Variants in ZNF599 observed in about 807,000 individuals in gnomAD.
ZNF599 encodes the protein zinc finger protein 599.
In ZNF599, 10 loss-of-function variants were observed where a neutral mutation model predicts 11.7. That is an observed-to-expected ratio of 0.86 (90% confidence interval 0.53 to 1.45). The LOEUF is 1.45. Ranked by LOEUF, ZNF599 falls within the 40% of genes most tolerant of loss-of-function variation. The pLI is 0.00. For missense variants in ZNF599, 688 were observed against 713.6 expected (o/e 0.96, Z 0.41); for synonymous variants, 232 against 253.2 (o/e 0.92, Z 0.79).
At chr19:34,795,462 T>C in the ZNF599 span, among the ~76,000 whole-genome samples, 1 of 152,264 alleles carries the variant, frequency 6.6e-6, no homozygotes, top group African/African-American at 2.4e-5. Context: ...TTATTTTTCA[T>C]AGAGACACAG....
chr19:34,784,169 A>G, the ZNF599 span, among the ~76,000 whole-genome samples: 4 of 152,154 alleles, frequency 2.6e-5, no homozygotes, highest in Non-Finnish European at 5.9e-5. Context: ...TGCTTCTTCC[A>G]GCTTCTGGTG....
chr19:34,767,724 AG>A (rs2069154262), intron 2 of ZNF599, among the ~76,000 whole-genome samples: 2 of 152,172 alleles, frequency 1.3e-5, no homozygotes, highest in African/African-American at 4.8e-5. Context: ...TGAAAAACAC[AG>A]GACTAAATCG....
Position 34,759,602 on chromosome 19 carries a change from C to T in ZNF599, c.1199G>A (p.Cys400Tyr). 1 of 1,614,096 alleles carries T rather than the reference C, an allele frequency of 6.2e-7. No homozygotes were observed. Among genetic ancestry groups the T allele is most frequent in the Admixed American group, 1.7e-5 (1 of 60,006 alleles). ...GGAGCGATGAGTAAAGGCCTTTCCACATTCACCGCACTCATAGGGTTTCTC... is the reference window on the plus strand; with the variant it reads ...GGAGCGATGAGTAAAGGCCTTTCCATATTCACCGCACTCATAGGGTTTCTC... ...TGEKPYECGECGKAFTHRSTF... is the reference protein window; with the variant it reads ...TGEKPYECGEYGKAFTHRSTF... Residue 400 changes from cysteine (C) to tyrosine (Y), a missense_variant, in exon 4 of 4, where the codon TGT becomes TAT. Coordinates refer to ENST00000329285, the MANE Select transcript of ZNF599 (RefSeq NM_001007248.3).
the ZNF599 span, among the ~76,000 whole-genome samples, chr19:34,779,243 CTTTTTTTTTTT>C: frequency 1.2e-4 from 7 of 57,318 alleles, no homozygotes; most frequent in Admixed American, 5.1e-4. Context: ...CCATGCCCAG[CTTTTTTTTTTT>C]TTTTTTTTTT....
chr19:34,803,985 A>G, the ZNF599 span, among the ~76,000 whole-genome samples: 3 of 152,170 alleles, frequency 2.0e-5, no homozygotes, highest in Admixed American at 2.0e-4. Context: ...GGCATCAAGA[A>G]CATGCCTGAC....
At chr19:34,780,160 T>G in the ZNF599 span, 2 of 152,396 alleles carry the variant, frequency 1.3e-5, no homozygotes, top group Non-Finnish European at 2.9e-5. Flanking sequence ...GTATGATGAT[T>G]TCTGCCCTGG....
chr19:34,798,575 CCCTCATGTGAAA>C, the ZNF599 span, among the ~76,000 whole-genome samples: 1 of 152,266 alleles, frequency 6.6e-6, no homozygotes, highest in Middle Eastern at 3.4e-3. Context: ...TTCATCTGTA[CCCTCATGTGAAA>C]ACTTTATCAA....
chr19:34,805,250 T>A, the ZNF599 span, among the ~76,000 whole-genome samples: 10 of 143,608 alleles, frequency 7.0e-5, no homozygotes, highest in African/African-American at 2.1e-4. Context: ...CAGGCTGGAG[T>A]GCAGTGGCAC....
Position 34,773,112 on chromosome 19 carries a change from TCTCTA to T in ZNF599, c.-276_-272del. 2.3e-6 allele frequency: 1 copy of T among 432,250 alleles called. No homozygotes were observed. The highest frequency in any genetic ancestry group is 4.1e-6 in the Non-Finnish European group (1 of 245,066). 26.8% of individuals were successfully genotyped at this position (432,250 alleles called of 1,614,324 possible). ...TGGGTCCTATCCTCCTCACTGTCCGTCTCTACTCGGTCTCGAAAAGTGGCCCCTGT... is the reference window on the plus strand; with the variant it reads ...TGGGTCCTATCCTCCTCACTGTCCGTCTCGGTCTCGAAAAGTGGCCCCTGT... On this transcript the variant is annotated 5_prime_UTR_variant, in exon 1 of 4. Transcript: ENST00000329285.
At position 34,758,776 on chromosome 19, in the gene ZNF599, C is replaced by T. The variant is rs62124167; in HGVS notation, c.*258G>A. The T allele has an allele frequency of 4.2e-5, 15 of 357,482 alleles. No individual in the cohort carries two copies. The highest frequency in any genetic ancestry group is 7.0e-5 in the Non-Finnish European group (14 of 198,786). 22.1% of individuals were successfully genotyped at this position (357,482 alleles called of 1,614,324 possible). ...TGCATGTTAACCACCAGGTCTCTCC[C>T]CTCGATTATTCTCAGGTACAGTGTA... On this transcript the variant is annotated 3_prime_UTR_variant, in exon 4 of 4. Coordinates refer to ENST00000329285, the MANE Select transcript of ZNF599 (RefSeq NM_001007248.3).
the ZNF599 span, among the ~76,000 whole-genome samples, chr19:34,789,445 C>T: frequency 6.6e-6 from 1 of 152,140 alleles, no homozygotes; most frequent in African/African-American, 2.4e-5. Context: ...TTTCCATAAC[C>T]GCTTTACTAA....
At chr19:34,779,667 G>A in the ZNF599 span, 2 of 318,164 alleles carry the variant, frequency 6.3e-6, no homozygotes, top group Middle Eastern at 4.1e-4. Context: ...ATTTGCTGAT[G>A]CTGAGTAAAT....
chr19:34,790,150 C>T, the ZNF599 span, among the ~76,000 whole-genome samples: 1 of 152,156 alleles, frequency 6.6e-6, no homozygotes, highest in African/African-American at 2.4e-5. Flanking sequence ...TGTTAAAAAT[C>T]AATTGGCTCT....
At chr19:34,772,289 G>T in intron 1 of ZNF599, 2 of 982,706 alleles carry the variant, frequency 2.0e-6, no homozygotes, top group African/African-American at 1.7e-5. Context: ...AATCCAATGA[G>T]CTTCTTGTCT....
chr19:34,802,064 G>T, the ZNF599 span, among the ~76,000 whole-genome samples: 1 of 152,230 alleles, frequency 6.6e-6, no homozygotes, highest in Non-Finnish European at 1.5e-5. Context: ...CTGAGAAGAT[G>T]CTTCCTCATC....
Position 34,772,890 on chromosome 19 carries a change from C to T in ZNF599, c.-49G>A, listed in dbSNP as rs112368428. The T allele has an allele frequency of 6.7e-5, 95 of 1,414,670 alleles. 1 individual carries two copies. The African/African-American group carries it at 1.2e-3, about 18-fold the overall frequency. 87.6% of individuals were successfully genotyped at this position (1,414,670 alleles called of 1,614,324 possible). A position where few individuals can be genotyped will look rare whatever the true frequency, so the allele number is the denominator to read the frequency against. On this transcript the variant is annotated 5_prime_UTR_variant, in exon 1 of 4. Transcript: ENST00000329285. ...CGTGAGAGTCGGCGAGGAAGCCGGT[C>T]CTGCGGGCTCGGCCGACCCCGGGCT...
chr19:34,805,247 G>A, the ZNF599 span, among the ~76,000 whole-genome samples: 1 of 148,102 alleles, frequency 6.8e-6, no homozygotes, highest in African/African-American at 2.5e-5. Context: ...TGCCAGGCTG[G>A]AGTGCAGTGG....
intron 3 of ZNF599, among the ~76,000 whole-genome samples, chr19:34,765,896 T>C (rs1403097001): frequency 6.6e-6 from 1 of 152,178 alleles, no homozygotes; most frequent in South Asian, 2.1e-4. Flanking sequence ...AGAGTACTAA[T>C]GCTGGAGCTG....
At chr19:34,793,697 G>A in the ZNF599 span, among the ~76,000 whole-genome samples, 1 of 152,200 alleles carries the variant, frequency 6.6e-6, no homozygotes, top group African/African-American at 2.4e-5. Context: ...AGAGCAAGCT[G>A]ACAGAGCAAA....
Sources: gnomAD v4.1 joint callset for allele counts (sites outside exome capture counted in the v4.1 genomes callset) on GRCh38, gnomAD v4.1.1 for gene constraint, MANE v1.5 for transcripts, NCBI Gene and HGNC (gene_info 2026-07-23, HGNC 2026-07-21) for gene names.